The following ADORA1 variants were observed in gnomAD, a reference collection of about 807,000 sequenced individuals.
The protein encoded by ADORA1 is adenosine receptor A1.
A neutral mutation model predicts 19.9 loss-of-function variants in ADORA1; 6 were observed. The ratio of observed to expected loss-of-function variants is 0.30; its 90% CI spans 0.17 to 0.59. ADORA1 has a LOEUF of 0.59. Among genes scored for constraint, ADORA1 ranks in the 20% least tolerant of loss-of-function variants. ADORA1 has a pLI of 0.87. For missense variants in ADORA1, 302 were observed against 439.2 expected (o/e 0.69, Z 2.79); for synonymous variants, 194 against 188.4 (o/e 1.03, Z -0.24).
chr1:203,151,911 T>C (rs1186895068), intron 3 of ADORA1, among the ~76,000 whole-genome samples: 1 of 152,216 alleles, frequency 6.6e-6, no homozygotes, highest in Non-Finnish European at 1.5e-5. Context: ...CATGGAATCC[T>C]TTCAGAAGGG....
intron 3 of ADORA1, among the ~76,000 whole-genome samples, chr1:203,153,597 T>C (rs759284804): frequency 1.3e-5 from 2 of 152,112 alleles, no homozygotes; most frequent in Non-Finnish European, 2.9e-5. Flanking sequence ...AGTCTCCTTT[T>C]GGGGATTGGT....
At chr1:203,146,627 A>G (rs1392864304) in intron 3 of ADORA1, among the ~76,000 whole-genome samples, 1 of 83,394 alleles carries the variant, frequency 1.2e-5, no homozygotes, top group African/African-American at 3.4e-5. Context: ...AGCCTGTCTC[A>G]AAAAAAAAAA....
intron 3 of ADORA1, among the ~76,000 whole-genome samples, chr1:203,162,193 C>T (rs559030276): frequency 6.6e-6 from 1 of 152,340 alleles, no homozygotes; most frequent in Non-Finnish European, 1.5e-5. Context: ...GCAGCCCTTC[C>T]TGTGAGAGCC....
rs762570469 is a variant in ADORA1, at chr1:203,165,919, A to C, written c.*19A>C. 2 of 1,532,916 alleles carry C rather than the reference A, an allele frequency of 1.3e-6. No individual in the cohort carries two copies. Among genetic ancestry groups the C allele is most frequent in the Non-Finnish European group, 1.8e-6 (2 of 1,140,004 alleles). The allele number at this position is 1,532,916 out of a possible 1,614,324, so 95.0% of individuals were successfully genotyped here. A position where few individuals can be genotyped will look rare whatever the true frequency, so the allele number is the denominator to read the frequency against. ...TGACTAGACCCCGCCTTCCGCTCCCACCAGCCCACATCCAGTGGGGTCTCA... is the reference window on the plus strand; with the variant it reads ...TGACTAGACCCCGCCTTCCGCTCCCCCCAGCCCACATCCAGTGGGGTCTCA... On this transcript the variant is annotated 3_prime_UTR_variant, in exon 4 of 4. Transcript: ENST00000337894. This position sits in a 1 kb window ranked among gnomAD's most constrained non-coding sequence, Gnocchi z 5.9.
At chr1:203,134,962 C>G (rs1654458503) in intron 3 of ADORA1, among the ~76,000 whole-genome samples, 1 of 152,154 alleles carries the variant, frequency 6.6e-6, no homozygotes, top group Non-Finnish European at 1.5e-5. Context: ...TGTATTATTA[C>G]TCATCTTTTG....
At chr1:203,129,558 A>G in intron 3 of ADORA1, 1 of 203,962 alleles carries the variant, frequency 4.9e-6, no homozygotes. Flanking sequence ...CCCAGGGAAG[A>G]GGAAGAGGAA....
intron 3 of ADORA1, among the ~76,000 whole-genome samples, chr1:203,147,544 C>T (rs1197160228): frequency 1.3e-5 from 2 of 152,202 alleles, no homozygotes; most frequent in Non-Finnish European, 2.9e-5. Context: ...CTACTCAAAG[C>T]GTGGTCAGGG....
chr1:203,165,675 C>T lies in ADORA1; in HGVS notation c.756C>T (p.Ile252=). ...CCCTCAGCTGGCTGCCTTTGCACAT[C>T]CTCAACTGCATCACCCTCTTCTGCC... ...LFALSWLPLH[I]LNCITLFCPS... Residue 252 remains isoleucine (I), a synonymous_variant, in exon 4 of 4, where the codon ATC becomes ATT. Transcript: ENST00000337894. This position sits in a 1 kb window ranked among gnomAD's most constrained non-coding sequence, Gnocchi z 5.9. The T allele has an allele frequency of 6.2e-7, 1 of 1,609,704 alleles. No individual in the cohort carries two copies. Among genetic ancestry groups the T allele is most frequent in the Non-Finnish European group, 8.5e-7 (1 of 1,176,898 alleles).
chr1:203,156,902 T>C (rs1341394956), intron 3 of ADORA1, among the ~76,000 whole-genome samples: 1 of 152,228 alleles, frequency 6.6e-6, no homozygotes, highest in Non-Finnish European at 1.5e-5. Flanking sequence ...CCTGCAGTAT[T>C]GGCATTAATC....
At chr1:203,157,043 G>A (rs532198339) in intron 3 of ADORA1, among the ~76,000 whole-genome samples, 36 of 152,226 alleles carry the variant, frequency 2.4e-4, no homozygotes, top group African/African-American at 8.7e-4. Flanking sequence ...TTCTGCCCTG[G>A]CCTTCAAAAT....
intron 3 of ADORA1, among the ~76,000 whole-genome samples, chr1:203,160,811 TTAAA>T (rs774829896): frequency 1.5e-4 from 23 of 152,334 alleles, no homozygotes; most frequent in Admixed American, 6.5e-4. Flanking sequence ...AGCCTATCTC[TTAAA>T]TAAATAAATA....
chr1:203,138,437 G>A (rs1192072445), intron 3 of ADORA1, among the ~76,000 whole-genome samples: 3 of 152,198 alleles, frequency 2.0e-5, no homozygotes. Flanking sequence ...ACCGAGCATT[G>A]AGAAAGTGGG....
intron 3 of ADORA1, among the ~76,000 whole-genome samples, chr1:203,154,928 C>G (rs1012859428): frequency 1.2e-4 from 19 of 152,116 alleles, no homozygotes; most frequent in Non-Finnish European, 2.9e-5. Context: ...TGCCCACCCC[C>G]TCTTCCTTCT....
chr1:203,130,994 C>T lies in ADORA1; in HGVS notation c.341+1812C>T, dbSNP rs181802947. 3.1e-4 allele frequency among the ~76,000 whole-genome samples: 47 copies of T among 152,300 alleles called. No individual in the cohort carries two copies. In the East Asian group the frequency reaches 7.7e-3, roughly 25 times the overall value. ...GCTGTGCAAAAGTCACTTACCTAACCGCTTTAAGCTTTAATGTCCTTATGT... is the reference window on the plus strand; with the variant it reads ...GCTGTGCAAAAGTCACTTACCTAACTGCTTTAAGCTTTAATGTCCTTATGT... On this transcript the variant is annotated intron_variant, in intron 3 of 3. Transcript: ENST00000337894.
chr1:203,156,229 G>C (rs537353283), intron 3 of ADORA1, among the ~76,000 whole-genome samples: 2 of 152,168 alleles, frequency 1.3e-5, no homozygotes, highest in Non-Finnish European at 2.9e-5. Context: ...AGATAGGGGG[G>C]AAGAGAGGGT....
intron 3 of ADORA1, among the ~76,000 whole-genome samples, chr1:203,150,252 G>T (rs1433474174): frequency 6.6e-6 from 1 of 152,202 alleles, no homozygotes; most frequent in Non-Finnish European, 1.5e-5. Context: ...GTATGTCTGG[G>T]CCCCTCCTCC....
chr1:203,159,945 T>A (rs948759632), intron 3 of ADORA1, among the ~76,000 whole-genome samples: 1 of 152,180 alleles, frequency 6.6e-6, no homozygotes, highest in Admixed American at 6.5e-5. Flanking sequence ...CAAAGCACAA[T>A]GGCATCCTCA....
At chr1:203,145,132 C>G (rs3753475) in intron 3 of ADORA1, 13,908 of 152,504 alleles carry the variant, frequency 0.091, 1,083 homozygotes, top group East Asian at 0.43. Context: ...CCTCACCCCC[C>G]ACCAGACTTA....
chr1:203,148,412 C>T (rs893708718), intron 3 of ADORA1, among the ~76,000 whole-genome samples: 1 of 152,210 alleles, frequency 6.6e-6, no homozygotes, highest in African/African-American at 2.4e-5. Context: ...TCCAACATCA[C>T]GGGCGGAGCA....
Sources: allele counts gnomAD v4.1 joint callset (sites outside exome capture counted in the v4.1 genomes callset), GRCh38; gene constraint gnomAD v4.1.1; non-coding constraint Gnocchi (gnomAD v3.1); transcripts MANE v1.5; gene names NCBI Gene and HGNC (gene_info 2026-07-23, HGNC 2026-07-21).